Variants in TRPC4AP observed in about 807,000 individuals in gnomAD.
The protein encoded by TRPC4AP is short transient receptor potential channel 4-associated protein.
A neutral mutation model predicts 99.0 loss-of-function variants in TRPC4AP; 45 were observed. The ratio of observed to expected loss-of-function variants is 0.45; its 90% CI spans 0.36 to 0.58. The LOEUF is 0.58. Among genes scored for constraint, TRPC4AP ranks in the 20% least tolerant of loss-of-function variants. TRPC4AP has a pLI of 0.00. For synonymous variants in TRPC4AP, 408 were observed against 385.8 expected (o/e 1.06, Z -0.67); for missense variants, 879 against 985.3 (o/e 0.89, Z 1.44).
At chr20:35,005,824 C>G in intron 15 of TRPC4AP, 21 bp from the exon 16 acceptor site, 1 of 1,612,170 alleles carries the variant, frequency 6.2e-7, no homozygotes, top group Non-Finnish European at 8.5e-7. Flanking sequence ...ACCAAGCTCA[C>G]AGCAGGCAGT....
intron 8 of TRPC4AP, among the ~76,000 whole-genome samples, chr20:35,031,805 A>G (rs117619601): frequency 0.037 from 5,569 of 151,464 alleles, 157 homozygotes; most frequent in Admixed American, 0.078. Context: ...ATCTCTATCA[A>G]CCTATTTTGC....
rs944367627 is a variant in TRPC4AP, at chr20:35,016,282, TC to T, written c.1219-144del. On this transcript the variant is annotated intron_variant, in intron 9 of 18. Transcript: ENST00000252015. Reference sequence around the variant, plus strand: ...GGAGGGCCAGGGTCTGAAGAAAACATCCGTGTATCCCCTATGCCCAGCACAC... The same window carrying T: ...GGAGGGCCAGGGTCTGAAGAAAACATCGTGTATCCCCTATGCCCAGCACAC... The T allele has an allele frequency of 3.0e-5, 28 of 936,130 alleles. No homozygotes were observed. The Admixed American group carries it at 6.0e-4, about 20-fold the overall frequency. 58.0% of individuals were successfully genotyped at this position (936,130 alleles called of 1,614,324 possible). A position where few individuals can be genotyped will look rare whatever the true frequency, so the allele number is the denominator to read the frequency against.
intron 8 of TRPC4AP, among the ~76,000 whole-genome samples, chr20:35,024,854 A>AAACAAAAAAAAAACAT (rs1479270980): frequency 1.1e-5 from 1 of 89,480 alleles, no homozygotes; most frequent in Non-Finnish European, 2.3e-5. Flanking sequence ...AAAAAAAAAA[A>AAACAAAAAAAAAACAT]ATTCTGTTTA....
chr20:35,035,227 G>A lies in TRPC4AP; in HGVS notation c.947C>T (p.Ala316Val). Residue 316 changes from alanine to valine, a missense_variant, in exon 8 of 19, where the codon GCC becomes GTC. By Grantham distance (64) the Ala-to-Val change is moderately conservative. This residue lies in a region of TRPC4AP where 603 missense variants were observed against 631.8 expected (regional missense o/e 0.95). Coordinates refer to ENST00000252015, the MANE Select transcript of TRPC4AP (RefSeq NM_015638.3). ...CTCTTCCAACTCCTGAAGGAAGCTG[G>A]CTGTGCCCGTTGACTCTGACACCTT... ...TRKVSESTGT[A>V]SFLQELEEWY... 1.9e-6 allele frequency: 3 copies of A among 1,614,168 alleles called. No homozygotes were observed. The highest frequency in any genetic ancestry group is 2.5e-6 in the Non-Finnish European group (3 of 1,180,038).
chr20:35,081,154 C>T (rs2084635127), intron 1 of TRPC4AP, among the ~76,000 whole-genome samples: 1 of 152,062 alleles, frequency 6.6e-6, no homozygotes. Flanking sequence ...TTGTATTAAG[C>T]AAGTATAAAC....
chr20:35,078,865 A>C (rs967819537), intron 1 of TRPC4AP, among the ~76,000 whole-genome samples: 1 of 152,232 alleles, frequency 6.6e-6, no homozygotes, highest in African/African-American at 2.4e-5. Context: ...CAGGAGTTTG[A>C]GACCAGCCTG....
At chr20:35,053,439 T>C (rs1771080060) in intron 5 of TRPC4AP, among the ~76,000 whole-genome samples, 1 of 152,162 alleles carries the variant, frequency 6.6e-6, no homozygotes, top group Non-Finnish European at 1.5e-5. Flanking sequence ...CTATATGGAG[T>C]TGCCAAAGAT....
chr20:35,023,154 T>A (rs1321869059), intron 8 of TRPC4AP, among the ~76,000 whole-genome samples: 1 of 152,168 alleles, frequency 6.6e-6, no homozygotes, highest in African/African-American at 2.4e-5. Flanking sequence ...TGAGACACAG[T>A]GTGACACGGT....
chr20:35,074,725 G>A (rs955114816), intron 2 of TRPC4AP, among the ~76,000 whole-genome samples: 7 of 152,166 alleles, frequency 4.6e-5, no homozygotes, highest in African/African-American at 1.2e-4. Context: ...GCGACGTGGC[G>A]CTGAGAAGAA....
At position 35,003,205 on chromosome 20, in the gene TRPC4AP, G is replaced by T; in HGVS notation, c.2335C>A (p.Leu779Ile). Reference protein sequence around the residue: ...LNPDRQSPSALVSYIEEPYMD... With the variant: ...LNPDRQSPSAIVSYIEEPYMD... Reference sequence around the variant, plus strand: ...TAGGGCTCCTCAATGTAGCTAACGAGAGCAGAGGGTGACTGCCGGTCCGGG... The same window carrying T: ...TAGGGCTCCTCAATGTAGCTAACGATAGCAGAGGGTGACTGCCGGTCCGGG... Residue 779 changes from leucine to isoleucine, a missense_variant, in exon 19 of 19, where the codon CTC (leucine) becomes ATC (isoleucine). By Grantham distance (5) the Leu-to-Ile change is conservative. Coordinates refer to ENST00000252015, the MANE Select transcript of TRPC4AP (RefSeq NM_015638.3). The T allele has an allele frequency of 6.2e-7, 1 of 1,614,214 alleles. No homozygotes were observed. Among genetic ancestry groups the T allele is most frequent in the Non-Finnish European group, 8.5e-7 (1 of 1,180,022 alleles).
At chr20:35,029,915 C>T (rs1216379773) in intron 8 of TRPC4AP, among the ~76,000 whole-genome samples, 2 of 142,512 alleles carry the variant, frequency 1.4e-5, no homozygotes, top group Non-Finnish European at 3.1e-5. Flanking sequence ...GGATTACAGG[C>T]GTGAGCCACC....
chr20:35,013,455 G>C (rs1367266741), intron 10 of TRPC4AP, among the ~76,000 whole-genome samples: 1 of 152,152 alleles, frequency 6.6e-6, no homozygotes, highest in Admixed American at 6.5e-5. Flanking sequence ...TGCTGCGCCT[G>C]TAATTCTGGC....
At chr20:35,051,442 G>A (rs1032108864) in intron 5 of TRPC4AP, among the ~76,000 whole-genome samples, 2 of 151,832 alleles carry the variant, frequency 1.3e-5, no homozygotes, top group African/African-American at 4.8e-5. Context: ...TGAATCACTG[G>A]GACTACAGGC....
Position 35,008,680 on chromosome 20 carries a change from C to G in TRPC4AP, c.1579G>C (p.Ala527Pro), listed in dbSNP as rs537384964. 6.2e-7 allele frequency: 1 copy of G among 1,613,988 alleles called. No individual in the cohort carries two copies. Among genetic ancestry groups the G allele is most frequent in the East Asian group, 2.2e-5 (1 of 44,884 alleles). Residue 527 changes from alanine to proline, a missense_variant, in exon 13 of 19, where the codon GCA (alanine) becomes CCA (proline). Ala to Pro is a conservative substitution (Grantham distance 27, BLOSUM62 -1). Transcript: ENST00000252015. ...RLLQVMKKEP[A>P]ESSFRFWQAR... The stretch of plus-strand genomic sequence containing the variant: ...CAGACTCACCTGAAAGACGACTCTG[C>G]TGGCTCCTTCTTCATGACCTGCAGC...
At chr20:35,048,656 T>C (rs2083617268) in intron 6 of TRPC4AP, among the ~76,000 whole-genome samples, 1 of 152,248 alleles carries the variant, frequency 6.6e-6, no homozygotes, top group Non-Finnish European at 1.5e-5. Flanking sequence ...AAGATACCCA[T>C]AATGTTTGGT....
intron 3 of TRPC4AP, among the ~76,000 whole-genome samples, chr20:35,059,884 C>T (rs559546580): frequency 6.8e-6 from 1 of 148,068 alleles, no homozygotes; most frequent in Non-Finnish European, 1.5e-5. Context: ...AAGACGAAGA[C>T]AAAGATGAAG....
intron 8 of TRPC4AP, among the ~76,000 whole-genome samples, chr20:35,024,852 A>AAC (rs1555905028): frequency 2.1e-4 from 15 of 70,228 alleles, no homozygotes; most frequent in Non-Finnish European, 2.5e-4. Flanking sequence ...AAAAAAAAAA[A>AAC]AAATTCTGTT....
intron 7 of TRPC4AP, 58 bp from the exon 8 acceptor site, chr20:35,035,366 C>T (rs1312453600): frequency 6.5e-7 from 1 of 1,537,534 alleles, no homozygotes; most frequent in African/African-American, 1.4e-5. Flanking sequence ...AAAACTACCC[C>T]TAAAGCCCTA....
intron 5 of TRPC4AP, among the ~76,000 whole-genome samples, chr20:35,052,207 C>T (rs1336383719): frequency 1.3e-5 from 2 of 150,390 alleles, no homozygotes; most frequent in African/African-American, 2.4e-5. Context: ...TCAAGCAATC[C>T]TCCCACCTCA....
Sources: allele counts gnomAD v4.1 joint callset (sites outside exome capture counted in the v4.1 genomes callset), GRCh38; gene constraint gnomAD v4.1.1; regional missense constraint gnomAD v4.1.1; transcripts MANE v1.5; gene names NCBI Gene and HGNC (gene_info 2026-07-23, HGNC 2026-07-21).